Variants in SV2C observed in about 807,000 individuals in gnomAD.
SV2C encodes solute carrier family 22 member B3.
A neutral mutation model predicts 79.7 loss-of-function variants in SV2C; 49 were observed. The ratio of observed to expected loss-of-function variants is 0.61; its 90% CI spans 0.49 to 0.78. The LOEUF is 0.78. SV2C is among the 30% of genes least tolerant of loss of function. The pLI, the probability that SV2C is intolerant of heterozygous loss-of-function variation, is 0.00. For missense variants in SV2C, 833 were observed against 912.9 expected, an observed-to-expected ratio of 0.91 and a Z score of 1.13; for synonymous variants, 334 against 333.2, an observed-to-expected ratio of 1.00 and a Z score of -0.03.
chr5:76,217,670 T>G (rs548392958), intron 4 of SV2C, among the ~76,000 whole-genome samples: 1 of 151,662 alleles, frequency 6.6e-6, no homozygotes, highest in East Asian at 1.9e-4. Context: ...GCAGCCCAAA[T>G]GTGAGCTACA....
At chr5:75,910,916 G>A in the SV2C span, 1 of 938,206 alleles carries the variant, frequency 1.1e-6, no homozygotes, top group Non-Finnish European at 1.8e-6. Flanking sequence ...CAAAGTCTTT[G>A]TGGTGAAGGG....
At chr5:75,921,259 C>T in the SV2C span, 2 of 1,463,772 alleles carry the variant, frequency 1.4e-6, no homozygotes, top group Non-Finnish European at 1.9e-6. Flanking sequence ...TGAGGATCTG[C>T]AGGTCCTCCA....
the SV2C span, among the ~76,000 whole-genome samples, chr5:76,049,236 C>T: frequency 4.7e-5 from 7 of 149,746 alleles, no homozygotes; most frequent in Non-Finnish European, 1.0e-4. Context: ...ACATAAGAGG[C>T]TGAGGCAGGA....
At chr5:76,021,403 CTT>C in the SV2C span, among the ~76,000 whole-genome samples, 78 of 152,292 alleles carry the variant, frequency 5.1e-4, no homozygotes, top group African/African-American at 1.9e-3. Context: ...TGTTTATTCT[CTT>C]ATTGATAGCA....
chr5:76,245,932 G>A (rs868218823), intron 4 of SV2C, among the ~76,000 whole-genome samples: 3,299 of 139,612 alleles, frequency 0.024, 61 homozygotes, highest in Non-Finnish European at 0.036. Flanking sequence ...GTGTGTGTGT[G>A]TGTATGTGTG....
Position 76,325,605 on chromosome 5 carries a change from T to A in SV2C, c.*58T>A. ...CCTCCTGCCCTGGGTCAATTCTCCT[T>A]CCTGACTCAAGGCTTCAGAGTTTTC... is the stretch of plus-strand genomic sequence containing the variant. On this transcript the variant is annotated 3_prime_UTR_variant, in exon 13 of 13. Coordinates refer to ENST00000502798, the MANE Select transcript of SV2C (RefSeq NM_014979.4). 4.4e-6 allele frequency: 7 copies of A among 1,590,690 alleles called. No individual in the cohort carries two copies. The highest frequency in any genetic ancestry group is 5.1e-6 in the Non-Finnish European group (6 of 1,169,788).
At chr5:75,938,408 T>C in the SV2C span, among the ~76,000 whole-genome samples, 3 of 152,146 alleles carry the variant, frequency 2.0e-5, no homozygotes, top group Non-Finnish European at 4.4e-5. Context: ...CAAATGCCCA[T>C]CAGTGGTAGA....
intron 12 of SV2C, among the ~76,000 whole-genome samples, chr5:76,304,525 A>C (rs1748121428): frequency 6.6e-6 from 1 of 152,214 alleles, no homozygotes; most frequent in Non-Finnish European, 1.5e-5. Context: ...GCTTTACTTC[A>C]TTCTCTTGTG....
rs1745872145 is a variant in SV2C at position 76,243,962 on chromosome 5, C to T, written c.913+34075C>T. Among the ~76,000 whole-genome samples, 3 of 152,188 alleles carry T rather than the reference C, an allele frequency of 2.0e-5. No homozygotes were observed. The South Asian group carries it at 6.2e-4, about 32-fold the overall frequency. ...CCTCTGTTTGAAATGTTCTCTCAAA[C>T]ATCCACAGGGACCGCCCTCTCTCTG... On this transcript the variant is annotated intron_variant, in intron 4 of 12. Transcript: ENST00000502798.
the SV2C span, among the ~76,000 whole-genome samples, chr5:75,907,683 G>A: frequency 6.6e-6 from 1 of 152,210 alleles, no homozygotes; most frequent in African/African-American, 2.4e-5. Flanking sequence ...AAGGCTGTCT[G>A]TCCCTAACCG....
intron 4 of SV2C, among the ~76,000 whole-genome samples, chr5:76,284,626 G>T (rs1013249103): frequency 6.6e-6 from 1 of 151,382 alleles, no homozygotes; most frequent in African/African-American, 2.4e-5. Context: ...GGAAATGAGA[G>T]CACACACTGC....
At chr5:76,066,448 T>G in the SV2C span, among the ~76,000 whole-genome samples, 11 of 59,518 alleles carry the variant, frequency 1.8e-4, no homozygotes, top group South Asian at 5.7e-3. Context: ...GGGCCTGTCT[T>G]GGGGTGGGGG....
intron 1 of SV2C, 38 bp downstream of exon 1, chr5:76,083,550 C>G (rs2112079200): frequency 6.6e-6 from 1 of 152,506 alleles, no homozygotes; most frequent in African/African-American, 2.4e-5. Context: ...CGCGGGGAGA[C>G]TTTCCCCCGC....
At chr5:76,318,191 G>A (rs576310895) in intron 12 of SV2C, among the ~76,000 whole-genome samples, 35 of 152,180 alleles carry the variant, frequency 2.3e-4, no homozygotes, top group African/African-American at 7.0e-4. Flanking sequence ...AGGCCGAGGC[G>A]GGCAGATCAT....
At chr5:75,949,017 G>C in the SV2C span, among the ~76,000 whole-genome samples, 1 of 151,858 alleles carries the variant, frequency 6.6e-6, no homozygotes, top group South Asian at 2.1e-4. Context: ...TTTGGTCATG[G>C]GGGTGGATCC....
the SV2C span, among the ~76,000 whole-genome samples, chr5:75,987,839 T>C: frequency 3.9e-5 from 6 of 152,046 alleles, no homozygotes; most frequent in African/African-American, 1.4e-4. Context: ...AATGTTTGTG[T>C]AGAATAGTCA....
the SV2C span, among the ~76,000 whole-genome samples, chr5:76,017,746 T>C: frequency 1.3e-5 from 2 of 152,166 alleles, no homozygotes; most frequent in African/African-American, 4.8e-5. Flanking sequence ...GATAAGAGGA[T>C]AGGGGAAAGC....
intron 1 of SV2C, among the ~76,000 whole-genome samples, chr5:76,129,493 C>T (rs1318866867): frequency 6.6e-6 from 1 of 152,124 alleles, no homozygotes; most frequent in Non-Finnish European, 1.5e-5. Context: ...TTGTAAAATT[C>T]TTGTTTTATT....
intron 4 of SV2C, among the ~76,000 whole-genome samples, chr5:76,245,427 A>G (rs1745915352): frequency 6.6e-6 from 1 of 152,244 alleles, no homozygotes; most frequent in African/African-American, 2.4e-5. Context: ...GATTCTGAAG[A>G]GTCCAAGGAG....
Sources: allele counts gnomAD v4.1 joint callset (sites outside exome capture counted in the v4.1 genomes callset), GRCh38; gene constraint gnomAD v4.1.1; transcripts MANE v1.5; gene names NCBI Gene and HGNC (gene_info 2026-07-23, HGNC 2026-07-21).